Variants in BRCA1 observed in about 807,000 individuals in gnomAD.
The protein encoded by BRCA1 is BRCA1 DNA repair associated, also known as breast cancer type 1 susceptibility protein.
In BRCA1, 140 loss-of-function variants were observed where a neutral mutation model predicts 173.7. That is an observed-to-expected ratio of 0.81 (90% CI 0.70 to 0.93). The LOEUF (loss-of-function observed/expected upper bound fraction) is 0.93. Among genes scored for constraint, BRCA1 ranks in the 40% least tolerant of loss-of-function variants. BRCA1 has a pLI of 0.00. For synonymous variants in BRCA1, 662 were observed against 756.0 expected (o/e 0.88, Z 2.04); for missense variants, 1,983 against 2,172.5 (o/e 0.91, Z 1.73).
intron 6 of BRCA1, among the ~76,000 whole-genome samples, chr17:43,101,520 T>G (rs2154543511): frequency 6.6e-6 from 1 of 152,172 alleles, no homozygotes; most frequent in East Asian, 1.9e-4. Flanking sequence ...TTTTCTTTTT[T>G]GAGACAGAGT....
chr17:43,079,828 G>T, intron 12 of BRCA1: 1 of 694,220 alleles, frequency 1.4e-6, no homozygotes, highest in Non-Finnish European at 2.5e-6. Context: ...TAAAAAAAAA[G>T]AAAAGTCATT....
At chr17:43,100,669 T>TTAC (rs2054405205) in intron 6 of BRCA1, among the ~76,000 whole-genome samples, 2 of 24,780 alleles carry the variant, frequency 8.1e-5, no homozygotes, top group African/African-American at 5.4e-4. Flanking sequence ...TATATATATA[T>TTAC]ATATATATAA....
chr17:43,118,340 G>GCCA (rs1487000081), intron 2 of BRCA1, among the ~76,000 whole-genome samples: 7 of 151,962 alleles, frequency 4.6e-5, no homozygotes, highest in African/African-American at 1.4e-4. Flanking sequence ...GGAACCTATA[G>GCCA]GCTATTTTAA....
At chr17:43,139,739 T>G in intron 1 of BRCA1, 1 of 396,908 alleles carries the variant, frequency 2.5e-6, no homozygotes, top group Non-Finnish European at 5.0e-6. Context: ...CCCTTCTTTG[T>G]GTTTATGAGT....
intron 2 of BRCA1, among the ~76,000 whole-genome samples, chr17:43,116,838 TAG>T (rs1188031315): frequency 6.6e-6 from 1 of 152,160 alleles, no homozygotes; most frequent in Non-Finnish European, 1.5e-5. Context: ...TTCTGATCTA[TAG>T]GTGTCTCTTA....
chr17:43,122,980 C>T (rs139191165), intron 2 of BRCA1, among the ~76,000 whole-genome samples: 299 of 151,766 alleles, frequency 2.0e-3, no homozygotes, highest in Middle Eastern at 0.014. Flanking sequence ...TGGCATGAAC[C>T]CGGGAGGCAG....
At chr17:43,165,906 C>A (rs561193493) in intron 1 of BRCA1, 1 of 151,744 alleles carries the variant, frequency 6.6e-6, no homozygotes, top group Admixed American at 6.6e-5. Flanking sequence ...TGCACATGTA[C>A]CCTAAAACTT....
Position 43,060,476 on chromosome 17 carries a change from C to T in BRCA1, c.5193+2857G>A, listed in dbSNP as rs542231656. On this transcript the variant is annotated intron_variant, in intron 18 of 22. Coordinates refer to ENST00000357654, the MANE Select transcript of BRCA1 (RefSeq NM_007294.4). ...GTGCTGGAATTACAGGTGTGAGCCA[C>T]TGTGCCCGAACCTTTTATCATTATT... Among the ~76,000 whole-genome samples the T allele has an allele frequency of 8.6e-5, 13 of 151,826 alleles. No homozygotes were observed. The East Asian group carries it at 2.5e-3, about 30-fold the overall frequency.
intron 1 of BRCA1, chr17:43,159,564 C>T (rs1411510891): frequency 2.0e-5 from 4 of 203,468 alleles, no homozygotes; most frequent in South Asian, 5.9e-5. Context: ...ACGGGGCGGC[C>T]GGGCAGAGAT....
At chr17:43,127,940 C>T (rs1316992336), upstream of BRCA1, among the ~76,000 whole-genome samples, 5 of 144,296 alleles carry the variant, frequency 3.5e-5, no homozygotes, top group East Asian at 6.3e-4. Context: ...AGGAGAATGG[C>T]GTGAACCCGG....
upstream of BRCA1, among the ~76,000 whole-genome samples, chr17:43,127,909 C>T (rs2055927709): frequency 6.6e-6 from 1 of 151,386 alleles, no homozygotes; most frequent in Non-Finnish European, 1.5e-5. Context: ...CTGTAATCCC[C>T]TCTACTGGGG....
rs886037791 is a variant in BRCA1, at chr17:43,094,787, G to A, written c.744C>T (p.Thr248=). ...HHQPSNNDLN[T]TEKRAAERHP... is the part of the protein sequence containing the mutation. ...GCCTCTCAGCTGCACGCTTCTCAGT[G>A]GTGTTCAAATCATTATTACTGGGTT... Residue 248 remains threonine (T), a synonymous_variant, in exon 10 of 23, where the codon ACC becomes ACT. Coordinates refer to ENST00000357654, the MANE Select transcript of BRCA1 (RefSeq NM_007294.4). The A allele has an allele frequency of 3.1e-6, 5 of 1,612,958 alleles. No homozygotes were observed. Among genetic ancestry groups the A allele is most frequent in the South Asian group, 2.2e-5 (2 of 90,938 alleles).
intron 1 of BRCA1, chr17:43,163,800 A>G (rs1449952148): frequency 1.3e-5 from 2 of 152,242 alleles, no homozygotes; most frequent in East Asian, 1.9e-4. Context: ...TCAGGTCTCC[A>G]AGGAACGCTA....
intron 3 of BRCA1, among the ~76,000 whole-genome samples, chr17:43,112,845 C>T (rs1238260832): frequency 2.6e-5 from 4 of 151,868 alleles, no homozygotes; most frequent in African/African-American, 9.7e-5. Context: ...CTCTTGTCGC[C>T]CAGGCTGGAG....
chr17:43,124,976 C>T (rs1231038667), intron 1 of BRCA1: 21 of 366,498 alleles, frequency 5.7e-5, no homozygotes, highest in South Asian at 4.1e-4. Flanking sequence ...GAACTCCTGA[C>T]CTCATGACCA....
At chr17:43,079,116 A>G (rs1323909783) in intron 12 of BRCA1, among the ~76,000 whole-genome samples, 1 of 151,994 alleles carries the variant, frequency 6.6e-6, no homozygotes, top group East Asian at 1.9e-4. Context: ...GGACATTGTA[A>G]TGAGCCGAAA....
At position 43,047,651 on chromosome 17, in the gene BRCA1, C is replaced by A. The variant is rs2050978714; in HGVS notation, c.5459G>T (p.Gly1820Val). 6.2e-7 allele frequency: 1 copy of A among 1,614,196 alleles called. No individual in the cohort carries two copies. Among genetic ancestry groups the A allele is most frequent in the Non-Finnish European group, 8.5e-7 (1 of 1,180,038 alleles). ...ACATGCAGGCACCTTACCATGGAAG[C>A]CATTGTCCTCTGTCCAGGCATCTGG... ...VQPDAWTEDN[G>V]FHAIGQMCEA... Residue 1820 changes from glycine to valine, a missense_variant, in exon 22 of 23, where the codon GGC becomes GTC. Coordinates refer to ENST00000357654, the MANE Select transcript of BRCA1 (RefSeq NM_007294.4).
In BRCA1 at chr17:43,044,599, T is replaced by C. The variant is rs1194468450; in HGVS notation, c.*1079A>G. The C allele has an allele frequency of 5.9e-6, 3 of 504,228 alleles. No homozygotes were observed. The Admixed American group carries it at 6.8e-5, about 11-fold the overall frequency. 31.2% of individuals were successfully genotyped at this position (504,228 alleles called of 1,614,324 possible). On this transcript the variant is annotated 3_prime_UTR_variant, in exon 23 of 23. Coordinates refer to ENST00000357654, the MANE Select transcript of BRCA1 (RefSeq NM_007294.4). ...TCTGTCATTTTATAGATATGAAATA[T>C]TCATGCCAGAGGTCTTATATTTTAA...
chr17:43,156,531 C>T (rs915925188), intron 1 of BRCA1, among the ~76,000 whole-genome samples: 50 of 152,214 alleles, frequency 3.3e-4, no homozygotes, highest in African/African-American at 1.1e-3. Context: ...TGGGAAAATA[C>T]TTCACAACCT....
Sources: allele counts gnomAD v4.1 joint callset (sites outside exome capture counted in the v4.1 genomes callset), GRCh38; gene constraint gnomAD v4.1.1; transcripts MANE v1.5; gene names NCBI Gene and HGNC (gene_info 2026-07-23, HGNC 2026-07-21).